ACYP2: variants seen among roughly 807,000 people sequenced by gnomAD.
ACYP2 encodes the protein acylphosphatase 2.
In ACYP2, 12 loss-of-function variants were observed where a neutral mutation model predicts 11.2. The observed-to-expected ratio is 1.08, with a 90% CI of 0.69 to 1.74. ACYP2 has a LOEUF of 1.74. Among genes scored for constraint, ACYP2 ranks in the 40% most tolerant of loss-of-function variants. The pLI, the probability that ACYP2 is intolerant of heterozygous loss-of-function variation, is 0.00. For missense variants in ACYP2, 134 were observed against 101.9 expected, an observed-to-expected ratio of 1.31 and a Z score of -1.35; for synonymous variants, 43 against 32.2, an observed-to-expected ratio of 1.33 and a Z score of -1.13.
chr2:54,033,427 G>A (rs528657072), intron 2 of ACYP2, among the ~76,000 whole-genome samples: 2 of 151,772 alleles, frequency 1.3e-5, no homozygotes, highest in South Asian at 4.2e-4. Flanking sequence ...TGCCCAGGCT[G>A]GTCTCGAACT....
intron 2 of ACYP2, among the ~76,000 whole-genome samples, chr2:54,044,075 C>G (rs1477065688): frequency 2.0e-5 from 3 of 152,168 alleles, no homozygotes; most frequent in Admixed American, 1.3e-4. Context: ...GACGAGATCT[C>G]TCTTCTAGAT....
chr2:54,162,343 G>A (rs992254065), intron 6 of ACYP2, among the ~76,000 whole-genome samples: 2 of 152,126 alleles, frequency 1.3e-5, no homozygotes, highest in African/African-American at 4.8e-5. Context: ...CTACCTTCTT[G>A]TAACATAAAT....
chr2:54,004,136 G>A (rs1408268450), intron 2 of ACYP2, among the ~76,000 whole-genome samples: 1 of 151,696 alleles, frequency 6.6e-6, no homozygotes, highest in African/African-American at 2.4e-5. Context: ...GACATGCGCC[G>A]CCATGCCCAG....
In ACYP2 at chr2:53,980,362, A is replaced by T. The variant is rs559922899; in HGVS notation, c.62+6552A>T. 4.3e-3 allele frequency among the ~76,000 whole-genome samples: 633 copies of T among 148,338 alleles called. 9 individuals carry two copies. Among genetic ancestry groups the T allele is most frequent in the Middle Eastern group, 0.022 (6 of 278 alleles). On this transcript the variant is annotated intron_variant, in intron 2 of 6. Transcript: ENST00000607452. Reference sequence around the variant, plus strand: ...AGTGAGACCCTGTCTCAAAAAAAAAATTTTTTTTTTTTATAAAAAGAAAAA... The same window carrying T: ...AGTGAGACCCTGTCTCAAAAAAAAATTTTTTTTTTTTTATAAAAAGAAAAA...
chr2:54,099,296 G>A (rs561950285), intron 4 of ACYP2, among the ~76,000 whole-genome samples: 2 of 152,248 alleles, frequency 1.3e-5, no homozygotes, highest in South Asian at 4.2e-4. Flanking sequence ...AGAACACTTC[G>A]AATCTACTCT....
chr2:54,104,798 A>G (rs1388463512), intron 4 of ACYP2, among the ~76,000 whole-genome samples: 1 of 152,220 alleles, frequency 6.6e-6, no homozygotes, highest in Non-Finnish European at 1.5e-5. Context: ...TTACATTAAA[A>G]TTTCTGGAGA....
chr2:54,166,837 G>A (rs925084618), intron 6 of ACYP2: 2 of 152,078 alleles, frequency 1.3e-5, no homozygotes, highest in African/African-American at 4.8e-5. Flanking sequence ...CGCTGGCAAT[G>A]CTCATCTCAC....
In ACYP2 at chr2:54,254,713, C is replaced by T; in HGVS notation, c.405-49975C>T. On this transcript the variant is annotated intron_variant, in intron 6 of 6. Coordinates refer to ENST00000607452, the MANE Select transcript of ACYP2 (RefSeq NM_001320586.2). ...CGGCTGGGAGCATGTGATGTTAATG[C>T]AGAATAGCAAGACGACCAGGTGAAA... The T allele has an allele frequency of 5.3e-6, 3 of 564,506 alleles. No homozygotes were observed. In the South Asian group the frequency reaches 7.5e-5, roughly 14 times the overall value. The allele number at this position is 564,506 out of a possible 1,614,324, so 35.0% of individuals were successfully genotyped here.
Position 54,246,207 on chromosome 2 carries a change from C to G in ACYP2, c.405-58481C>G, listed in dbSNP as rs571264052. Among the ~76,000 whole-genome samples, 75 of 152,184 alleles carry G rather than the reference C, an allele frequency of 4.9e-4. 1 individual carries two copies. The highest frequency in any genetic ancestry group is 1.8e-3 in the African/African-American group (74 of 41,554). On this transcript the variant is annotated intron_variant, in intron 6 of 6. Coordinates refer to ENST00000607452, the MANE Select transcript of ACYP2 (RefSeq NM_001320586.2). ...TTTCTGGGTTCTCTATTCTGTTCTA[C>G]TGATCTGTGTGTTATTTTTTAATGT...
chr2:54,277,404 G>C (rs1688645054), intron 6 of ACYP2, among the ~76,000 whole-genome samples: 4 of 152,160 alleles, frequency 2.6e-5, no homozygotes. Context: ...AATGGGCCGG[G>C]TGCAGTGACT....
chr2:54,288,881 C>T (rs1460795541), intron 6 of ACYP2, among the ~76,000 whole-genome samples: 1 of 151,890 alleles, frequency 6.6e-6, no homozygotes, highest in Non-Finnish European at 1.5e-5. Context: ...CTTTGTAGAC[C>T]CAATCTCAGG....
intron 6 of ACYP2, among the ~76,000 whole-genome samples, chr2:54,234,294 G>A (rs1686378274): frequency 6.6e-6 from 1 of 152,202 alleles, no homozygotes; most frequent in African/African-American, 2.4e-5. Context: ...AATGCTTTGA[G>A]CATTCTCAAA....
chr2:54,277,050 C>G (rs1688628624), intron 6 of ACYP2, among the ~76,000 whole-genome samples: 1 of 152,130 alleles, frequency 6.6e-6, no homozygotes, highest in African/African-American at 2.4e-5. Flanking sequence ...ATTTAAATTG[C>G]TTGAAACACT....
intron 6 of ACYP2, among the ~76,000 whole-genome samples, chr2:54,201,668 T>TTCTTTCTTTCTTTCTTTCTTTC (rs1558609076): frequency 7.3e-5 from 8 of 109,928 alleles, no homozygotes; most frequent in Non-Finnish European, 1.1e-4. Flanking sequence ...CTTTCTTTCT[T>TTCTTTCTTTCTTTCTTTCTTTC]TCTTTCTTTC....
chr2:54,048,492 T>C (rs888893853), intron 2 of ACYP2, among the ~76,000 whole-genome samples: 1 of 152,218 alleles, frequency 6.6e-6, no homozygotes, highest in African/African-American at 2.4e-5. Context: ...ACAGCCACTT[T>C]TTAAAAATTA....
chr2:54,159,989 C>T (rs1682637680), intron 6 of ACYP2, among the ~76,000 whole-genome samples: 1 of 152,172 alleles, frequency 6.6e-6, no homozygotes, highest in South Asian at 2.1e-4. Flanking sequence ...GCTCTGCTTC[C>T]TGACATCATT....
chr2:54,136,821 C>T (rs1186633583), intron 5 of ACYP2, among the ~76,000 whole-genome samples: 1 of 151,982 alleles, frequency 6.6e-6, no homozygotes, highest in African/African-American at 2.4e-5. Flanking sequence ...ACTAAAAATA[C>T]AAAAATTAGC....
chr2:54,201,674 CTT>C (rs1187388844), intron 6 of ACYP2, among the ~76,000 whole-genome samples: 86 of 103,870 alleles, frequency 8.3e-4, no homozygotes, highest in Non-Finnish European at 1.3e-3. Context: ...TTCTTTCTTT[CTT>C]TCTTTCTCTC....
intron 6 of ACYP2, among the ~76,000 whole-genome samples, chr2:54,284,111 T>C (rs1475145018): frequency 1.3e-5 from 2 of 152,138 alleles, no homozygotes; most frequent in East Asian, 3.8e-4. Flanking sequence ...TTATATTAAG[T>C]GGAAAAGATT....
Sources: gnomAD v4.1 joint callset for allele counts (sites outside exome capture counted in the v4.1 genomes callset) on GRCh38, gnomAD v4.1.1 for gene constraint, MANE v1.5 for transcripts, NCBI Gene and HGNC (gene_info 2026-07-23, HGNC 2026-07-21) for gene names.